The following XRCC3 variants were observed in gnomAD, a reference collection of about 807,000 sequenced individuals.
XRCC3 encodes the protein DNA repair protein XRCC3.
XRCC3 carries 34 observed loss-of-function variants against 29.2 expected under a neutral mutation model. The observed-to-expected ratio is 1.16, with a 90% CI of 0.88 to 1.55. The LOEUF (loss-of-function observed/expected upper bound fraction) is 1.55, where lower values mean the gene tolerates loss of function less well. Ranked by LOEUF, XRCC3 falls within the 40% of genes most tolerant of loss-of-function variation. The pLI, the probability that XRCC3 is intolerant of heterozygous loss-of-function variation, is 0.00. For missense variants in XRCC3, 463 were observed against 467.6 expected (o/e 0.99, Z 0.09); for synonymous variants, 223 against 211.3 (o/e 1.06, Z -0.48).
At chr14:103,714,983 C>T (rs1016561033) in intron 1 of XRCC3, among the ~76,000 whole-genome samples, 4 of 152,256 alleles carry the variant, frequency 2.6e-5, no homozygotes, top group Admixed American at 6.5e-5. Flanking sequence ...CGCGCCCGGC[C>T]TAAAGGATTT....
rs754089796 is a variant in XRCC3 at position 103,698,941 on chromosome 14, G to A, written c.898C>T (p.Arg300Trp). 44 of 1,600,260 alleles carry A rather than the reference G, an allele frequency of 2.7e-5. No homozygotes were observed. Among genetic ancestry groups the A allele is most frequent in the Middle Eastern group, 1.6e-4 (1 of 6,064 alleles). ...NQLLVRLLADRLREEEAALGC... is the reference protein window; with the variant it reads ...NQLLVRLLADWLREEEAALGC... The stretch of plus-strand genomic sequence containing the variant: ...AGGGCAGCCTCTTCCTCGCGGAGCC[G>A]GTCAGCCAGCAGTCTCACCAGGAGC... The change falls in exon 10 of 10, where the codon CGG becomes TGG. Residue 300 changes from arginine to tryptophan, a missense_variant. Physicochemically the swap from Arg to Trp is moderately radical, Grantham distance 101 (BLOSUM62 -3). Transcript: ENST00000555055.
At position 103,697,685 on chromosome 14, in the gene XRCC3, G is replaced by C. The variant is rs1182663054; in HGVS notation, c.*1113C>G. 1 of 152,236 alleles carries C rather than the reference G, an allele frequency of 6.6e-6. No homozygotes were observed. Among genetic ancestry groups the C allele is most frequent in the Non-Finnish European group, 1.5e-5 (1 of 68,056 alleles). 9.4% of individuals were successfully genotyped at this position (152,236 alleles called of 1,614,324 possible). A position where few individuals can be genotyped will look rare whatever the true frequency, so the allele number is the denominator to read the frequency against. ...AGGCAGCATGTGGAGGCACTGAGTG[G>C]GGGGTGGAGGGGGTTGTACGGTGGG... On this transcript the variant is annotated 3_prime_UTR_variant, in exon 10 of 10. Coordinates refer to ENST00000555055, the MANE Select transcript of XRCC3 (RefSeq NM_005432.4).
chr14:103,699,624 C>G lies in XRCC3; in HGVS notation c.562-48G>C, dbSNP rs781670530. On this transcript the variant is annotated intron_variant, in intron 7 of 9. Transcript: ENST00000555055. ...CTATGCTGGTCAGCAAGTCCCCGCC[C>G]CAGGTGACCAGACCCCGTTTGGACT... The G allele has an allele frequency of 5.0e-6, 8 of 1,593,000 alleles. No homozygotes were observed. In the African/African-American group the frequency reaches 1.1e-4, roughly 21 times the overall value.
rs569323871 is a variant in XRCC3, at chr14:103,708,590, G to T, written c.125C>A (p.Ser42Tyr). 6.2e-7 allele frequency: 1 copy of T among 1,614,200 alleles called. No homozygotes were observed. Among genetic ancestry groups the T allele is most frequent in the Non-Finnish European group, 8.5e-7 (1 of 1,180,036 alleles). ...GPDLKRLTNL[S>Y]SPEVWHLLRT... ...CAGCAAGTGCCAGACCTCGGGGCTG[G>T]AGAGGTTGGTCAGTCTCTTCAAGTC... Residue 42 changes from serine (S) to tyrosine (Y), a missense_variant, in exon 5 of 10, where the codon TCC becomes TAC. Transcript: ENST00000555055.
chr14:103,710,941 G>A (rs1285268163), intron 4 of XRCC3, 92 bp downstream of exon 4: 4 of 1,323,264 alleles, frequency 3.0e-6, no homozygotes, highest in Non-Finnish European at 3.3e-6. Context: ...GGCAAAGGAA[G>A]GAAGGCTTAG....
chr14:103,699,347 C>G lies in XRCC3; in HGVS notation c.774+17G>C. The G allele has an allele frequency of 6.3e-7, 1 of 1,588,530 alleles. No individual in the cohort carries two copies. The highest frequency in any genetic ancestry group is 8.6e-7 in the Non-Finnish European group (1 of 1,168,458). ...AAAAATACGAGCTCAGGGGTGCAAC[C>G]CTGCCTTGGTGCTCACCTGGTTGAT... On this transcript the variant is annotated intron_variant, in intron 8 of 9. Transcript: ENST00000555055.
intron 4 of XRCC3, chr14:103,710,649 G>A (rs1227787015): frequency 5.2e-6 from 1 of 192,008 alleles, no homozygotes; most frequent in Non-Finnish European, 1.1e-5. Flanking sequence ...GCTGAGGCAG[G>A]AGAATGGTGT....
At chr14:103,701,128 G>A (rs2083163813) in intron 7 of XRCC3, 2 of 1,533,276 alleles carry the variant, frequency 1.3e-6, no homozygotes, top group African/African-American at 2.7e-5. Context: ...CCAGAGAGCT[G>A]TTTCCAGAAC....
intron 7 of XRCC3, chr14:103,701,486 TTG>T: frequency 2.4e-6 from 1 of 422,488 alleles, no homozygotes; most frequent in South Asian, 6.8e-5. Flanking sequence ...CTTCCTCACG[TTG>T]TGTGCGATAA....
intron 7 of XRCC3, chr14:103,702,136 G>A (rs1376524618): frequency 6.6e-6 from 1 of 152,600 alleles, no homozygotes; most frequent in Non-Finnish European, 1.5e-5. Flanking sequence ...GCAGGGATGG[G>A]TCCCAGCCTC....
chr14:103,711,475 G>A lies in XRCC3; in HGVS notation c.-168C>T, dbSNP rs1381532465. ...GCCCTGCCCGACTCACCTCTCTGGG[G>A]CTTGGGGATGACCCGCGTGTTTTTG... On this transcript the variant is annotated 5_prime_UTR_variant, in exon 3 of 10. Coordinates refer to ENST00000555055, the MANE Select transcript of XRCC3 (RefSeq NM_005432.4). 2.1e-6 allele frequency: 1 copy of A among 484,072 alleles called. No individual in the cohort carries two copies. Among genetic ancestry groups the A allele is most frequent in the South Asian group, 1.5e-5 (1 of 64,850 alleles). 30.0% of individuals were successfully genotyped at this position (484,072 alleles called of 1,614,324 possible). A position where few individuals can be genotyped will look rare whatever the true frequency, so the allele number is the denominator to read the frequency against.
chr14:103,697,698 G>T lies in XRCC3; in HGVS notation c.*1100C>A. ...AGGCACTGAGTGGGGGGTGGAGGGG[G>T]TTGTACGGTGGGAATCAAGGGGGTC... On this transcript the variant is annotated 3_prime_UTR_variant, in exon 10 of 10. Transcript: ENST00000555055. 6.6e-6 allele frequency: 1 copy of T among 152,242 alleles called. No homozygotes were observed. 9.4% of individuals were successfully genotyped at this position (152,242 alleles called of 1,614,324 possible). A position where few individuals can be genotyped will look rare whatever the true frequency, so the allele number is the denominator to read the frequency against.
chr14:103,713,995 A>C (rs1295512133), intron 1 of XRCC3: 1 of 152,212 alleles, frequency 6.6e-6, no homozygotes, highest in Admixed American at 6.5e-5. Context: ...TCCCGCTCTC[A>C]CGCTCTCCAC....
At chr14:103,705,913 G>A (rs374658998) in intron 6 of XRCC3, 37 of 188,874 alleles carry the variant, frequency 2.0e-4, no homozygotes, top group Middle Eastern at 2.4e-3. Context: ...CAGCTCTTCC[G>A]TGCGGTAAGC....
intron 7 of XRCC3, 154 bp downstream of exon 7, chr14:103,703,019 C>T (rs764365398): frequency 1.3e-4 from 160 of 1,189,430 alleles, no homozygotes; most frequent in Non-Finnish European, 1.8e-4. Context: ...ACCTGCTCCT[C>T]GGGCGTAAAC....
chr14:103,700,722 G>C, intron 7 of XRCC3: 1 of 1,597,092 alleles, frequency 6.3e-7, no homozygotes, highest in Non-Finnish European at 8.5e-7. Flanking sequence ...AGACGCCACC[G>C]CTAACGTGAG....
intron 4 of XRCC3, chr14:103,709,248 C>G (rs1356511981): frequency 1.1e-5 from 2 of 177,520 alleles, no homozygotes; most frequent in Non-Finnish European, 2.4e-5. Flanking sequence ...GTGCAGATCC[C>G]CAGGACCTGC....
intron 7 of XRCC3, chr14:103,701,133 C>A: frequency 6.5e-7 from 1 of 1,539,456 alleles, no homozygotes. Flanking sequence ...GAGCTGTTTC[C>A]AGAACAGAAC....
intron 2 of XRCC3, chr14:103,711,773 C>T: frequency 4.4e-6 from 2 of 452,570 alleles, no homozygotes; most frequent in Non-Finnish European, 8.9e-6. Context: ...CTCAGCTCTT[C>T]TCCCCTCCGG....
Sources: allele counts gnomAD v4.1 joint callset (sites outside exome capture counted in the v4.1 genomes callset), GRCh38; gene constraint gnomAD v4.1.1; transcripts MANE v1.5; gene names NCBI Gene and HGNC (gene_info 2026-07-23, HGNC 2026-07-21).